The following PCGF5 variants were observed in gnomAD, a reference collection of about 807,000 sequenced individuals.
PCGF5 encodes polycomb group RING finger protein 5.
PCGF5 carries 9 observed loss-of-function variants against 44.3 expected under a neutral mutation model. The ratio of observed to expected loss-of-function variants is 0.20; its 90% CI spans 0.12 to 0.35. PCGF5 has a LOEUF of 0.35. Ranked by LOEUF, PCGF5 falls within the 10% of genes least tolerant of loss-of-function variation. PCGF5 has a pLI of 1.00. For missense variants in PCGF5, 146 were observed against 305.3 expected (o/e 0.48, Z 3.89); for synonymous variants, 95 against 102.5 (o/e 0.93, Z 0.44).
At chr10:91,240,973 A>G (rs1470944007) in intron 3 of PCGF5, among the ~76,000 whole-genome samples, 2 of 150,778 alleles carry the variant, frequency 1.3e-5, no homozygotes, top group East Asian at 3.9e-4. Flanking sequence ...GTATATAAAC[A>G]TTTATGTAAA....
At chr10:91,248,277 A>T (rs1242320763) in intron 3 of PCGF5, among the ~76,000 whole-genome samples, 1 of 152,070 alleles carries the variant, frequency 6.6e-6, no homozygotes, top group African/African-American at 2.4e-5. Flanking sequence ...CATGCTCAAG[A>T]GTCTGGATAT....
intron 1 of PCGF5, among the ~76,000 whole-genome samples, chr10:91,196,961 C>A (rs1285727181): frequency 1.3e-5 from 2 of 152,118 alleles, no homozygotes; most frequent in Non-Finnish European, 2.9e-5. Flanking sequence ...CCTCCAGATT[C>A]TTTTTATCCT....
At chr10:91,275,898 AG>A (rs1320853351) in intron 9 of PCGF5, among the ~76,000 whole-genome samples, 2 of 152,186 alleles carry the variant, frequency 1.3e-5, no homozygotes, top group African/African-American at 2.4e-5. Context: ...AAGTTATAAT[AG>A]CAAAGGAAAA....
intron 1 of PCGF5, among the ~76,000 whole-genome samples, chr10:91,178,175 C>T (rs1843746880): frequency 6.6e-6 from 1 of 151,872 alleles, no homozygotes; most frequent in Non-Finnish European, 1.5e-5. Flanking sequence ...CATAACTGTA[C>T]AGTATTATGA....
rs1432737568 is a variant in PCGF5, at chr10:91,282,086, C to T, written c.*3770C>T. 2.0e-5 allele frequency: 3 copies of T among 152,310 alleles called. No homozygotes were observed. The East Asian group carries it at 5.8e-4, about 29-fold the overall frequency. 9.4% of individuals were successfully genotyped at this position (152,310 alleles called of 1,614,324 possible). On this transcript the variant is annotated 3_prime_UTR_variant, in exon 10 of 10. Coordinates refer to ENST00000336126, the MANE Select transcript of PCGF5 (RefSeq NM_032373.5). ...GCAGACTTTGGTAAAAGTGCCAACA[C>T]ACTTACTTGTATAGAAAAGACTTCA...
chr10:91,226,351 A>G (rs574501007), intron 2 of PCGF5, among the ~76,000 whole-genome samples: 4 of 151,364 alleles, frequency 2.6e-5, no homozygotes, highest in African/African-American at 9.7e-5. Flanking sequence ...AGACTATGAT[A>G]TAATAGCAGA....
At chr10:91,165,756 CAGCTAT>C (rs1348141701) in intron 1 of PCGF5, among the ~76,000 whole-genome samples, 21 of 152,270 alleles carry the variant, frequency 1.4e-4, no homozygotes, top group South Asian at 8.3e-4. Flanking sequence ...TAAAGAATTA[CAGCTAT>C]AAGTCAGTGA....
chr10:91,159,572 A>T (rs1415964793), upstream of PCGF5, among the ~76,000 whole-genome samples: 1 of 152,156 alleles, frequency 6.6e-6, no homozygotes, highest in Non-Finnish European at 1.5e-5. Context: ...CTGTGCTGGC[A>T]CTCTGATGTC....
rs12773528 is a variant in PCGF5 at position 91,186,586 on chromosome 10, G to A, written c.-184+23505G>A. Reference sequence around the variant, plus strand: ...TGTGTGTGTGTATATATATGTGTGTGTATATATATGTGTATATATACACAC... The same window carrying A: ...TGTGTGTGTGTATATATATGTGTGTATATATATATGTGTATATATACACAC... On this transcript the variant is annotated intron_variant, in intron 1 of 9. Transcript: ENST00000614189. Among the ~76,000 whole-genome samples, 10 of 116,710 alleles carry A rather than the reference G, an allele frequency of 8.6e-5. No individual in the cohort carries two copies. The East Asian group carries it at 1.5e-3, about 17-fold the overall frequency. 76.6% of individuals were successfully genotyped at this position (116,710 alleles called of 152,430 possible).
At chr10:91,273,839 A>G (rs1212734836) in intron 9 of PCGF5, among the ~76,000 whole-genome samples, 1 of 149,950 alleles carries the variant, frequency 6.7e-6, no homozygotes, top group African/African-American at 2.4e-5. Context: ...TATATAGTGT[A>G]TAATATAAAA....
chr10:91,212,805 G>A (rs1481415854), intron 1 of PCGF5, among the ~76,000 whole-genome samples: 1 of 152,048 alleles, frequency 6.6e-6, no homozygotes, highest in Non-Finnish European at 1.5e-5. Context: ...TTTCTTAGCT[G>A]GAAGTAAGTT....
At chr10:91,252,298 A>G (rs951072039) in intron 6 of PCGF5, among the ~76,000 whole-genome samples, 4 of 151,898 alleles carry the variant, frequency 2.6e-5, no homozygotes, top group Non-Finnish European at 4.4e-5. Flanking sequence ...GTGTACATCT[A>G]TAGGCTAGTG....
intron 1 of PCGF5, among the ~76,000 whole-genome samples, chr10:91,177,193 T>C (rs1483427070): frequency 6.6e-6 from 1 of 152,200 alleles, no homozygotes; most frequent in Non-Finnish European, 1.5e-5. Context: ...TTTGCCTGGG[T>C]ATCAGCAGCA....
chr10:91,244,386 G>A (rs558305357), intron 3 of PCGF5, among the ~76,000 whole-genome samples: 19 of 152,294 alleles, frequency 1.2e-4, no homozygotes, highest in Middle Eastern at 3.4e-3. Flanking sequence ...CGACCAGCAA[G>A]GAGACCTGGG....
chr10:91,191,615 G>A (rs929950290), intron 1 of PCGF5, among the ~76,000 whole-genome samples: 7 of 152,224 alleles, frequency 4.6e-5, no homozygotes, highest in Middle Eastern at 6.8e-3. Flanking sequence ...TACCCCATAA[G>A]CTTTTTGGTT....
chr10:91,269,187 A>G (rs1156932865), intron 8 of PCGF5, among the ~76,000 whole-genome samples: 2 of 152,122 alleles, frequency 1.3e-5, no homozygotes, highest in African/African-American at 2.4e-5. Context: ...GTTTCAGGAG[A>G]TGTGATCTGT....
chr10:91,231,292 A>G (rs779994298), intron 2 of PCGF5, among the ~76,000 whole-genome samples: 5 of 152,208 alleles, frequency 3.3e-5, no homozygotes, highest in Non-Finnish European at 5.9e-5. Flanking sequence ...CTAGTAGGCA[A>G]TAAACAAATG....
At chr10:91,216,371 CCTAT>C (rs781723060), upstream of PCGF5, among the ~76,000 whole-genome samples, 18 of 152,036 alleles carry the variant, frequency 1.2e-4, 1 homozygote, top group Non-Finnish European at 1.5e-4. Flanking sequence ...TGGAAGAAGA[CCTAT>C]CTATCTAGCT....
chr10:91,256,728 G>C (rs557282482), intron 6 of PCGF5, among the ~76,000 whole-genome samples: 1 of 152,200 alleles, frequency 6.6e-6, no homozygotes, highest in African/African-American at 2.4e-5. Context: ...CCCCAGTAGG[G>C]TTAGTAGCTG....
Sources: gnomAD v4.1 joint callset for allele counts (sites outside exome capture counted in the v4.1 genomes callset) on GRCh38, gnomAD v4.1.1 for gene constraint, MANE v1.5 for transcripts, NCBI Gene and HGNC (gene_info 2026-07-23, HGNC 2026-07-21) for gene names.